INTS6: variants seen among roughly 807,000 people sequenced by gnomAD.
INTS6 encodes the protein DEAD box protein.
In INTS6, 16 loss-of-function variants were observed where a neutral mutation model predicts 104.9. The ratio of observed to expected loss-of-function variants is 0.15; its 90% CI spans 0.10 to 0.23. The LOEUF is 0.23. Ranked by LOEUF, INTS6 falls within the 10% of genes least tolerant of loss-of-function variation. INTS6 has a pLI of 1.00. For synonymous variants in INTS6, 324 were observed against 358.7 expected, an observed-to-expected ratio of 0.90 and a Z score of 1.09; for missense variants, 584 against 1,062.8, an observed-to-expected ratio of 0.55 and a Z score of 6.26.
chr13:51,336,532 C>T, the INTS6 span, among the ~76,000 whole-genome samples: 2 of 152,114 alleles, frequency 1.3e-5, no homozygotes, highest in Non-Finnish European at 2.9e-5. Flanking sequence ...CTGGATACAA[C>T]AGCATAGATT....
chr13:51,370,322 T>C (rs994893845), intron 15 of INTS6, among the ~76,000 whole-genome samples: 4 of 152,172 alleles, frequency 2.6e-5, no homozygotes, highest in Non-Finnish European at 4.4e-5. Flanking sequence ...CCTAGTGCTA[T>C]TGCAAAATTA....
the INTS6 span, among the ~76,000 whole-genome samples, chr13:51,338,682 A>T: frequency 6.6e-6 from 1 of 152,244 alleles, no homozygotes; most frequent in Non-Finnish European, 1.5e-5. Context: ...TTGAATCTAA[A>T]GTAAAGATTT....
chr13:51,424,375 G>GA (rs141711629), intron 4 of INTS6, among the ~76,000 whole-genome samples: 3,515 of 151,590 alleles, frequency 0.023, 132 homozygotes, highest in African/African-American at 0.08. Flanking sequence ...ACATGATCTT[G>GA]AAAAAAAGTA....
At chr13:51,394,500 A>T (rs1956300426) in intron 5 of INTS6, among the ~76,000 whole-genome samples, 1 of 152,156 alleles carries the variant, frequency 6.6e-6, no homozygotes, top group Non-Finnish European at 1.5e-5. Context: ...CTGTGTCTGC[A>T]GATTATGTCA....
At chr13:51,386,872 A>G (rs1275949578) in intron 7 of INTS6, among the ~76,000 whole-genome samples, 1 of 152,162 alleles carries the variant, frequency 6.6e-6, no homozygotes, top group Non-Finnish European at 1.5e-5. Flanking sequence ...ATAATTCACC[A>G]TGATCGCTCA....
chr13:51,411,676 T>C (rs1180918791), intron 4 of INTS6, among the ~76,000 whole-genome samples: 2 of 152,212 alleles, frequency 1.3e-5, no homozygotes, highest in African/African-American at 4.8e-5. Flanking sequence ...AATTCAAGTG[T>C]TGGAAAGACG....
rs776216219 is a variant in INTS6 at position 51,374,319 on chromosome 13, T to C, written c.1993A>G (p.Arg665Gly). 6.2e-7 allele frequency: 1 copy of C among 1,613,924 alleles called. No homozygotes were observed. The highest frequency in any genetic ancestry group is 8.5e-7 in the Non-Finnish European group (1 of 1,179,894). ...ACAACAGGATTCTGCTGTCTGCCTCTTAGTAGTGGAGACATACACCGACGT... is the reference window on the plus strand; with the variant it reads ...ACAACAGGATTCTGCTGTCTGCCTCCTAGTAGTGGAGACATACACCGACGT... ...KRRRCMSPLL[R>G]GRQQNPVVNN... Residue 665 changes from arginine (R) to glycine (G), a missense_variant, in exon 15 of 18, where the codon AGA becomes GGA. This residue lies in a region of INTS6 where 296 missense variants were observed against 437.0 expected (regional missense o/e 0.68). Coordinates refer to ENST00000311234, the MANE Select transcript of INTS6 (RefSeq NM_012141.3).
At chr13:51,347,287 G>C in the INTS6 span, 1 of 1,517,378 alleles carries the variant, frequency 6.6e-7, no homozygotes. Flanking sequence ...CTGGGCCTGA[G>C]GGCAGGAGAG....
intron 4 of INTS6, among the ~76,000 whole-genome samples, chr13:51,416,131 A>G (rs1956782786): frequency 6.6e-6 from 1 of 152,216 alleles, no homozygotes. Context: ...TCAGACTGTA[A>G]TAGATTTAAA....
At chr13:51,361,344 C>T (rs1253916986), downstream of INTS6, 1 of 1,608,756 alleles carries the variant, frequency 6.2e-7, no homozygotes. Context: ...GAGGAAGGCA[C>T]CAAGGCATCT....
intron 11 of INTS6, 138 bp from the exon 12 acceptor site, chr13:51,378,592 T>C (rs1253990356): frequency 2.3e-6 from 1 of 427,572 alleles, no homozygotes; most frequent in Admixed American, 4.0e-5. Flanking sequence ...GCATAGTTTA[T>C]GTCAAGTATT....
At chr13:51,356,800 G>A (rs778359365), downstream of INTS6, among the ~76,000 whole-genome samples, 34 of 146,106 alleles carry the variant, frequency 2.3e-4, no homozygotes, top group Non-Finnish European at 3.7e-4. Flanking sequence ...TTTTTTTAAC[G>A]CTATTCAAAT....
In INTS6 at chr13:51,369,140, G is replaced by A. The variant is rs1955751407; in HGVS notation, c.2275C>T (p.His759Tyr). 3 of 1,613,658 alleles carry A rather than the reference G, an allele frequency of 1.9e-6. No homozygotes were observed. The highest frequency in any genetic ancestry group is 2.7e-5 in the African/African-American group (2 of 74,866). ...ACAGTGAGGTCATTGGTTCCTAAAT[G>A]GTCATGACCAAGAGCCTCCATATGA... is the stretch of plus-strand genomic sequence containing the variant. ...TNHMEALGHDHLGTNDLTVGG... is the reference protein window; with the variant it reads ...TNHMEALGHDYLGTNDLTVGG... The change falls in exon 16 of 18, where the codon CAT (histidine) becomes TAT (tyrosine). Residue 759 changes from histidine to tyrosine, a missense_variant. Physicochemically the swap from His to Tyr is moderately conservative, Grantham distance 83 (BLOSUM62 2). Coordinates refer to ENST00000311234, the MANE Select transcript of INTS6 (RefSeq NM_012141.3).
At chr13:51,430,170 C>G (rs1355569990) in intron 4 of INTS6, 124 bp downstream of exon 4, 3 of 739,064 alleles carry the variant, frequency 4.1e-6, no homozygotes, top group Non-Finnish European at 6.8e-6. Context: ...CCATAGGAGA[C>G]AGATGACTCT....
At chr13:51,354,903 C>T (rs929647562) in intron 3 of INTS6, 35 of 616,222 alleles carry the variant, frequency 5.7e-5, no homozygotes, top group Admixed American at 1.1e-4. Context: ...TATGGGAAGG[C>T]GCCATGGAAG....
At position 51,369,074 on chromosome 13, in the gene INTS6, CTTT is replaced by C. The variant is rs1276918136; in HGVS notation, c.2338_2340del (p.Lys780del). On this transcript the variant is annotated inframe_deletion, in exon 16 of 18. Transcript: ENST00000311234. ...GGTATGTTCTCTTCAGCACATTGTT[CTTT>C]ATCTCTTGGCTCCTCATGATTTTCT... 14 of 1,613,662 alleles carry C rather than the reference CTTT, an allele frequency of 8.7e-6. No homozygotes were observed. The African/African-American group carries it at 1.1e-4, about 12-fold the overall frequency.
At chr13:51,430,423 C>T in intron 3 of INTS6, 40 bp from the exon 4 acceptor site, 1 of 1,520,914 alleles carries the variant, frequency 6.6e-7, no homozygotes, top group South Asian at 1.2e-5. Flanking sequence ...AAGATTTAGA[C>T]TTTGGCTTAC....
At position 51,452,077 on chromosome 13, in the gene INTS6, AG is replaced by A; in HGVS notation, c.112-23del. On this transcript the variant is annotated intron_variant, in intron 1 of 17. Transcript: ENST00000311234. This position sits in a 1 kb window ranked among gnomAD's most constrained non-coding sequence, Gnocchi z 4.2. ...GGAGCTGCGGGACGGGAGGAGGAAC[AG>A]GGCGGGCGACAGGGAAGCACAGAGG... 4 of 1,604,520 alleles carry A rather than the reference AG, an allele frequency of 2.5e-6. No homozygotes were observed. Among genetic ancestry groups the A allele is most frequent in the Non-Finnish European group, 3.4e-6 (4 of 1,174,640 alleles).
chr13:51,394,700 T>C (rs1018233427), intron 5 of INTS6, among the ~76,000 whole-genome samples: 4 of 152,174 alleles, frequency 2.6e-5, no homozygotes, highest in African/African-American at 7.2e-5. Context: ...TGGTACACAG[T>C]AGGCACGCAA....
Sources: gnomAD v4.1 joint callset for allele counts (sites outside exome capture counted in the v4.1 genomes callset) on GRCh38, gnomAD v4.1.1 for gene constraint, gnomAD v4.1.1 regional missense constraint, Gnocchi (gnomAD v3.1) non-coding constraint, MANE v1.5 for transcripts, NCBI Gene and HGNC (gene_info 2026-07-23, HGNC 2026-07-21) for gene names.